NAV1: variants seen among roughly 807,000 people sequenced by gnomAD.
NAV1 encodes pore membrane and/or filament interacting like protein 3.
In NAV1, 18 loss-of-function variants were observed where a neutral mutation model predicts 175.2. That is an observed-to-expected ratio of 0.10 (90% CI 0.07 to 0.15). The LOEUF is 0.15. Among genes scored for constraint, NAV1 ranks in the 10% least tolerant of loss-of-function variants. The pLI is 1.00. For synonymous variants in NAV1, 897 were observed against 978.7 expected (o/e 0.92, Z 1.56); for missense variants, 1,731 against 2,436.6 (o/e 0.71, Z 6.10).
At chr1:201,735,058 G>GC (rs1416529124) in intron 3 of NAV1, among the ~76,000 whole-genome samples, 1 of 152,146 alleles carries the variant, frequency 6.6e-6, no homozygotes, top group Non-Finnish European at 1.5e-5. Context: ...CTGATTTGCT[G>GC]CCCCAGAGAA....
upstream of NAV1, among the ~76,000 whole-genome samples, chr1:201,619,399 G>A (rs909857387): frequency 2.0e-5 from 3 of 152,150 alleles, no homozygotes; most frequent in Admixed American, 6.5e-5. Flanking sequence ...ACCTGAGTTG[G>A]GGAGGAACTC....
chr1:201,648,115 T>A, upstream of NAV1: 1 of 266,842 alleles, frequency 3.7e-6, no homozygotes, highest in South Asian at 1.6e-4. Context: ...GTGCGCACAC[T>A]CGCTCCCCTC....
intron 1 of NAV1, among the ~76,000 whole-genome samples, chr1:201,587,303 A>T (rs969483155): frequency 3.9e-5 from 6 of 152,116 alleles, no homozygotes; most frequent in African/African-American, 1.4e-4. Flanking sequence ...TTCAAATGAT[A>T]CTGTCAAGAA....
At chr1:201,650,167 C>CG (rs918963595) in intron 1 of NAV1, among the ~76,000 whole-genome samples, 7 of 152,146 alleles carry the variant, frequency 4.6e-5, no homozygotes, top group Non-Finnish European at 1.0e-4. Context: ...TAATGGAAGC[C>CG]GAGCAGGCGG....
At chr1:201,549,677 G>GC (rs1293371387) in intron 1 of NAV1, among the ~76,000 whole-genome samples, 4 of 150,206 alleles carry the variant, frequency 2.7e-5, no homozygotes, top group South Asian at 2.2e-4. Context: ...TGCTGGGCAG[G>GC]TTACAGCCTG....
chr1:201,556,237 C>T (rs1186928914), intron 1 of NAV1, among the ~76,000 whole-genome samples: 1 of 151,922 alleles, frequency 6.6e-6, no homozygotes, highest in African/African-American at 2.4e-5. Context: ...CATACAGAGT[C>T]CCCATCTCTA....
At position 201,565,668 on chromosome 1, in the gene NAV1, C is replaced by T. The variant is rs368674038; in HGVS notation, c.-143-22871C>T. Among the ~76,000 whole-genome samples the T allele has an allele frequency of 2.6e-5, 4 of 152,326 alleles. No homozygotes were observed. The East Asian group carries it at 7.7e-4, about 29-fold the overall frequency. On this transcript the variant is annotated intron_variant, in intron 1 of 33. Transcript: ENST00000685211. The stretch of plus-strand genomic sequence containing the variant: ...CGTTGTGAGGCAGTATCGCTATTTG[C>T]AAAGCGTTTTGCAATCATTTTTATT...
intron 2 of NAV1, among the ~76,000 whole-genome samples, chr1:201,634,599 A>T (rs2742278): frequency 0.01 from 1,578 of 152,296 alleles, 31 homozygotes; most frequent in African/African-American, 0.036. Context: ...TTTGAAATAG[A>T]AACTGTAGGA....
chr1:201,813,105 C>T lies in NAV1; in HGVS notation c.5222-35C>T, dbSNP rs762999882. The T allele has an allele frequency of 2.2e-5, 32 of 1,483,188 alleles. No homozygotes were observed. In the Admixed American group the frequency reaches 2.5e-4, roughly 12 times the overall value. 91.9% of individuals were successfully genotyped at this position (1,483,188 alleles called of 1,614,324 possible). On this transcript the variant is annotated intron_variant, in intron 27 of 29. Coordinates refer to ENST00000367296, the Ensembl canonical transcript of NAV1. This position sits in a 1 kb window ranked among gnomAD's most constrained non-coding sequence, Gnocchi z 4.2. ...GCACACAACCGGGAAGATCTAGGTT[C>T]CCAGCCATCTTCATGGCCCCATCCT...
intron 3 of NAV1, among the ~76,000 whole-genome samples, chr1:201,764,319 C>G (rs1266446701): frequency 6.6e-6 from 1 of 152,136 alleles, no homozygotes; most frequent in African/African-American, 2.4e-5. Context: ...CTCACAGTTC[C>G]GAAGCCCAGC....
At chr1:201,653,021 T>G (rs780997268) in intron 1 of NAV1, among the ~76,000 whole-genome samples, 7 of 152,196 alleles carry the variant, frequency 4.6e-5, no homozygotes, top group Non-Finnish European at 1.0e-4. Flanking sequence ...TTCATGGAAT[T>G]TATTGAATAC....
At chr1:201,611,725 C>T (rs1271136378) in intron 2 of NAV1, among the ~76,000 whole-genome samples, 1 of 152,216 alleles carries the variant, frequency 6.6e-6, no homozygotes, top group African/African-American at 2.4e-5. Flanking sequence ...TGTTGGGGCT[C>T]ATTTTTCCAG....
In NAV1 at chr1:201,789,855, A is replaced by G. The variant is rs1048269186; in HGVS notation, c.3219+63A>G. On this transcript the variant is annotated intron_variant, in intron 11 of 29. Coordinates refer to ENST00000367296, the Ensembl canonical transcript of NAV1. ...CCCTCTACCATCCCATGCTCCCTAGAACCTCCTTGGAGTTGGGTAACTGGG... is the reference window on the plus strand; with the variant it reads ...CCCTCTACCATCCCATGCTCCCTAGGACCTCCTTGGAGTTGGGTAACTGGG... The G allele has an allele frequency of 2.6e-6, 4 of 1,516,306 alleles. No individual in the cohort carries two copies. The African/African-American group carries it at 5.5e-5, about 21-fold the overall frequency. 93.9% of individuals were successfully genotyped at this position (1,516,306 alleles called of 1,614,324 possible). A position where few individuals can be genotyped will look rare whatever the true frequency, so the allele number is the denominator to read the frequency against.
chr1:201,806,885 A>G (rs1045290216), intron 17 of NAV1, among the ~76,000 whole-genome samples: 2 of 152,126 alleles, frequency 1.3e-5, no homozygotes, highest in South Asian at 2.1e-4. Context: ...CGGCCTTCCT[A>G]TGTTCCAGGA....
At chr1:201,567,993 C>T (rs956455530) in intron 1 of NAV1, among the ~76,000 whole-genome samples, 1 of 152,190 alleles carries the variant, frequency 6.6e-6, no homozygotes, top group African/African-American at 2.4e-5. Flanking sequence ...ATCATCTCCC[C>T]TTCGCCAAGA....
In NAV1 at chr1:201,782,503, C is replaced by T. The variant is rs1676392927; in HGVS notation, c.1991C>T (p.Ala664Val). 1 of 1,612,904 alleles carries T rather than the reference C, an allele frequency of 6.2e-7. No individual in the cohort carries two copies. The highest frequency in any genetic ancestry group is 1.1e-5 in the South Asian group (1 of 91,076). ...GAGCCAGGATTCCTGGCTCCTGGAG[C>T]CCGTTCTAACATCCAGTACCGCAGC... Residue 664 changes from alanine to valine, a missense_variant, in exon 6 of 30, where the codon GCC (alanine) becomes GTC (valine). By Grantham distance (64) the Ala-to-Val change is moderately conservative (BLOSUM62 0). This residue lies in a region of NAV1 where 634 missense variants were observed against 766.8 expected (regional missense o/e 0.83). Transcript: ENST00000367296. This position sits in a 1 kb window ranked among gnomAD's most constrained non-coding sequence, Gnocchi z 5.4.
intron 15 of NAV1, among the ~76,000 whole-genome samples, chr1:201,801,433 T>C (rs1331649869): frequency 6.6e-6 from 1 of 152,216 alleles, no homozygotes; most frequent in African/African-American, 2.4e-5. Flanking sequence ...TCCTCTAGTT[T>C]AGTTTCCCTC....
In NAV1 at chr1:201,740,774, A is replaced by G. The variant is rs1358020092; in HGVS notation, c.1226+22019A>G. 2.0e-5 allele frequency among the ~76,000 whole-genome samples: 3 copies of G among 152,156 alleles called. No homozygotes were observed. Among genetic ancestry groups the G allele is most frequent in the Non-Finnish European group, 4.4e-5 (3 of 68,022 alleles). On this transcript the variant is annotated intron_variant, in intron 3 of 29. Transcript: ENST00000367296. The surrounding 1 kb of genome is among the most constrained non-coding windows in gnomAD (Gnocchi z 4.7). ...GTCGTGTAAGGTGAGGGCAAGGCAC[A>G]GAGGCTCCTTCATAAAGGGGAAGTG...
At chr1:201,790,935 C>T (rs988091326) in intron 13 of NAV1, 169 bp downstream of exon 17, 1 of 635,098 alleles carries the variant, frequency 1.6e-6, no homozygotes, top group African/African-American at 1.8e-5. Flanking sequence ...TGTTCTTCCC[C>T]TTCTCTGAGC....
Sources: gnomAD v4.1 joint callset for allele counts (sites outside exome capture counted in the v4.1 genomes callset) on GRCh38, gnomAD v4.1.1 for gene constraint, gnomAD v4.1.1 regional missense constraint, Gnocchi (gnomAD v3.1) non-coding constraint, MANE v1.5 for transcripts, NCBI Gene and HGNC (gene_info 2026-07-23, HGNC 2026-07-21) for gene names.